KDM4C: variants seen among roughly 807,000 people sequenced by gnomAD.
The protein encoded by KDM4C is lysine demethylase 4C, also known as lysine-specific demethylase 4C.
In KDM4C, 81 loss-of-function variants were observed where a neutral mutation model predicts 129.3. The ratio of observed to expected loss-of-function variants is 0.63; its 90% CI spans 0.52 to 0.75. KDM4C has a LOEUF of 0.75. Among genes scored for constraint, KDM4C ranks in the 30% least tolerant of loss-of-function variants. The pLI is 0.00. For synonymous variants in KDM4C, 573 were observed against 456.1 expected, an observed-to-expected ratio of 1.26 and a Z score of -3.26; for missense variants, 1,457 against 1,304.0, an observed-to-expected ratio of 1.12 and a Z score of -1.81.
At chr9:7,170,110 C>T in intron 21 of KDM4C, 7 of 1,433,670 alleles carry the variant, frequency 4.9e-6, no homozygotes, top group Non-Finnish European at 6.5e-6. Flanking sequence ...CTAATGAAGT[C>T]ACATGATGCT....
At chr9:6,974,060 C>T (rs1374355845) in intron 8 of KDM4C, among the ~76,000 whole-genome samples, 1 of 152,180 alleles carries the variant, frequency 6.6e-6, no homozygotes, top group Non-Finnish European at 1.5e-5. Context: ...CTGAATCTCA[C>T]ATCACTTAAA....
chr9:6,985,059 T>G (rs114425157), intron 10 of KDM4C, among the ~76,000 whole-genome samples: 15 of 152,194 alleles, frequency 9.9e-5, no homozygotes, highest in Admixed American at 3.9e-4. Flanking sequence ...CTCATGGGAT[T>G]CCCCCCTCCG....
At chr9:7,035,912 A>G (rs555920551) in intron 15 of KDM4C, among the ~76,000 whole-genome samples, 16 of 152,050 alleles carry the variant, frequency 1.1e-4, no homozygotes, top group Admixed American at 2.0e-4. Flanking sequence ...TTTGATGTCT[A>G]GTAGTGTGAT....
At chr9:6,730,216 C>G (rs62566471) in intron 1 of KDM4C, among the ~76,000 whole-genome samples, 1 of 152,106 alleles carries the variant, frequency 6.6e-6, no homozygotes, top group Non-Finnish European at 1.5e-5. Flanking sequence ...CAGGGCTTTT[C>G]GGAATCCTGA....
At chr9:6,793,315 A>G (rs1827087422) in intron 2 of KDM4C, among the ~76,000 whole-genome samples, 183 bp downstream of exon 2, 1 of 152,024 alleles carries the variant, frequency 6.6e-6, no homozygotes. Context: ...CTTCAAGTAT[A>G]ACTATTCATA....
chr9:6,988,478 G>T (rs1031332727), intron 11 of KDM4C, among the ~76,000 whole-genome samples: 1 of 149,524 alleles, frequency 6.7e-6, no homozygotes, highest in Non-Finnish European at 1.5e-5. Context: ...AAGAACAACT[G>T]CATGACATCC....
At chr9:6,799,086 C>T (rs1828385151) in intron 2 of KDM4C, among the ~76,000 whole-genome samples, 1 of 150,882 alleles carries the variant, frequency 6.6e-6, no homozygotes, top group African/African-American at 2.4e-5. Context: ...CCAGACTGGG[C>T]ATCCAGGCAG....
At chr9:6,832,486 T>C (rs937833719) in intron 4 of KDM4C, among the ~76,000 whole-genome samples, 6 of 140,888 alleles carry the variant, frequency 4.3e-5, no homozygotes, top group African/African-American at 1.6e-4. Flanking sequence ...AGTGCAGTGG[T>C]GCAATCTCAG....
intron 5 of KDM4C, among the ~76,000 whole-genome samples, chr9:6,873,288 C>G (rs1225424891): frequency 1.3e-5 from 2 of 152,178 alleles, no homozygotes; most frequent in Non-Finnish European, 2.9e-5. Flanking sequence ...CAGGAGTGAG[C>G]TACCATGCCC....
At chr9:7,047,520 AT>A (rs923465130) in intron 16 of KDM4C, among the ~76,000 whole-genome samples, 7 of 150,590 alleles carry the variant, frequency 4.6e-5, no homozygotes, top group South Asian at 4.2e-4. Context: ...CATGGATTTT[AT>A]TTTTTTTTCA....
intron 8 of KDM4C, among the ~76,000 whole-genome samples, chr9:6,922,388 T>C (rs571929943): frequency 6.7e-6 from 1 of 149,088 alleles, no homozygotes; most frequent in Non-Finnish European, 1.5e-5. Flanking sequence ...TCTGATTACA[T>C]TTACTGTTTT....
intron 15 of KDM4C, among the ~76,000 whole-genome samples, chr9:7,039,642 A>G (rs535342123): frequency 4.6e-5 from 7 of 152,072 alleles, no homozygotes; most frequent in South Asian, 4.1e-4. Flanking sequence ...CACAGTTTAT[A>G]TGTTATATTT....
intron 5 of KDM4C, among the ~76,000 whole-genome samples, chr9:6,876,706 C>G (rs367677113): frequency 6.6e-6 from 1 of 152,114 alleles, no homozygotes; most frequent in Non-Finnish European, 1.5e-5. Flanking sequence ...GTCAGTGAGT[C>G]TAGTGTTCAA....
intron 8 of KDM4C, among the ~76,000 whole-genome samples, chr9:6,953,810 A>C: frequency 6.6e-6 from 1 of 152,280 alleles, no homozygotes; most frequent in Non-Finnish European, 1.5e-5. Context: ...CTTCTCCCAA[A>C]CTTGAATGGT....
At chr9:7,123,880 G>C (rs947407002) in intron 18 of KDM4C, among the ~76,000 whole-genome samples, 7 of 152,176 alleles carry the variant, frequency 4.6e-5, no homozygotes, top group Non-Finnish European at 4.4e-5. Flanking sequence ...TTTGGGGCTG[G>C]ACTGATCCTT....
chr9:6,926,484 T>C (rs1389715437), intron 8 of KDM4C, among the ~76,000 whole-genome samples: 1 of 152,176 alleles, frequency 6.6e-6, no homozygotes, highest in Non-Finnish European at 1.5e-5. Context: ...TTTTGCATAA[T>C]TAAAATTATA....
chr9:7,018,232 C>G (rs1446197762), intron 15 of KDM4C, among the ~76,000 whole-genome samples: 1 of 151,846 alleles, frequency 6.6e-6, no homozygotes, highest in Non-Finnish European at 1.5e-5. Flanking sequence ...GCAATTTTAA[C>G]ACAATGGTAA....
At chr9:7,101,164 T>C (rs1031154273) in intron 17 of KDM4C, among the ~76,000 whole-genome samples, 1 of 152,196 alleles carries the variant, frequency 6.6e-6, no homozygotes, top group South Asian at 2.1e-4. Context: ...TCATTAATTG[T>C]AGCATGCCTA....
At chr9:6,734,730 T>C (rs945320733) in intron 1 of KDM4C, 6 of 323,102 alleles carry the variant, frequency 1.9e-5, no homozygotes, top group Non-Finnish European at 3.6e-5. Context: ...TTTTTCTGTG[T>C]CCTGAGGATG....
Sources: gnomAD v4.1 joint callset for allele counts (sites outside exome capture counted in the v4.1 genomes callset) on GRCh38, gnomAD v4.1.1 for gene constraint, MANE v1.5 for transcripts, NCBI Gene and HGNC (gene_info 2026-07-23, HGNC 2026-07-21) for gene names.